MAML1: variants seen among roughly 807,000 people sequenced by gnomAD.
MAML1 encodes the protein mastermind-like protein 1.
A neutral mutation model predicts 77.1 loss-of-function variants in MAML1; 14 were observed. That is an observed-to-expected ratio of 0.18 (90% CI 0.12 to 0.28). The LOEUF (loss-of-function observed/expected upper bound fraction) is 0.28. MAML1 is among the 10% of genes least tolerant of loss of function. MAML1 has a pLI of 1.00. For missense variants in MAML1, 1,217 were observed against 1,327.8 expected (o/e 0.92, Z 1.30); for synonymous variants, 516 against 551.9 (o/e 0.93, Z 0.91).
rs1286780567 is a variant in MAML1 at position 179,766,151 on chromosome 5, G to T, written c.1141G>T (p.Val381Leu). ...QNAQRALAGV[V>L]LPSQGPGGAS... ...CGCACAAAGAGCCCTTGCAGGTGTG[G>T]TATTGCCCAGTCAGGGCCCAGGAGG... The change falls in exon 2 of 5, where the codon GTA (valine) becomes TTA (leucine). Residue 381 changes from valine to leucine, a missense_variant. Val to Leu is a conservative substitution (Grantham distance 32). Coordinates refer to ENST00000292599, the MANE Select transcript of MAML1 (RefSeq NM_014757.5). This position sits in a 1 kb window ranked among gnomAD's most constrained non-coding sequence, Gnocchi z 4.0. 2 of 1,579,434 alleles carry T rather than the reference G, an allele frequency of 1.3e-6. No individual in the cohort carries two copies. The highest frequency in any genetic ancestry group is 8.6e-7 in the Non-Finnish European group (1 of 1,164,006).
intron 1 of MAML1, among the ~76,000 whole-genome samples, chr5:179,738,958 T>A (rs1487613205): frequency 3.2e-5 from 3 of 92,890 alleles, no homozygotes; most frequent in African/African-American, 8.9e-5. Context: ...ATTGGCATCT[T>A]AGTCATCATT....
In MAML1 at chr5:179,752,251, G is replaced by A. The variant is rs1352005668; in HGVS notation, c.316-13075G>A. 4.7e-5 allele frequency among the ~76,000 whole-genome samples: 7 copies of A among 148,332 alleles called. No homozygotes were observed. In the East Asian group the frequency reaches 6.0e-4, roughly 13 times the overall value. ...TGAGGCAGGAGAATCGCTTGAACGC[G>A]GGAGGTGGAGGTTGCAGTGAGCCGA... On this transcript the variant is annotated intron_variant, in intron 1 of 4. Coordinates refer to ENST00000292599, the MANE Select transcript of MAML1 (RefSeq NM_014757.5).
chr5:179,768,537 G>A (rs965098197), intron 2 of MAML1, among the ~76,000 whole-genome samples: 12 of 152,230 alleles, frequency 7.9e-5, no homozygotes, highest in African/African-American at 2.2e-4. Flanking sequence ...TCTAAGCCTC[G>A]ATTGCTTACT....
chr5:179,767,419 G>A (rs1314173401), intron 2 of MAML1, among the ~76,000 whole-genome samples: 1 of 152,140 alleles, frequency 6.6e-6, no homozygotes, highest in Non-Finnish European at 1.5e-5. Context: ...GTGTGTAAAT[G>A]AGCTCACTGC....
intron 1 of MAML1, among the ~76,000 whole-genome samples, chr5:179,734,325 T>C (rs1779125846): frequency 6.6e-6 from 1 of 152,246 alleles, no homozygotes; most frequent in Non-Finnish European, 1.5e-5. Context: ...CTAACCAGTC[T>C]GTAGGCATTT....
At chr5:179,758,686 G>A (rs1002952672) in intron 1 of MAML1, among the ~76,000 whole-genome samples, 3 of 151,024 alleles carry the variant, frequency 2.0e-5, no homozygotes, top group African/African-American at 4.9e-5. Context: ...CACCACACCC[G>A]ACCATTTTTT....
intron 1 of MAML1, among the ~76,000 whole-genome samples, chr5:179,738,599 C>A (rs1779219831): frequency 6.6e-6 from 1 of 152,132 alleles, no homozygotes; most frequent in Non-Finnish European, 1.5e-5. Flanking sequence ...ATTCTCCACA[C>A]TGACAAGTCC....
intron 1 of MAML1, among the ~76,000 whole-genome samples, chr5:179,758,270 G>T (rs1398699775): frequency 6.6e-6 from 1 of 152,042 alleles, no homozygotes; most frequent in African/African-American, 2.4e-5. Flanking sequence ...CATGCTGAGT[G>T]GTTTGTATTC....
At chr5:179,753,894 A>T (rs1389144080) in intron 1 of MAML1, among the ~76,000 whole-genome samples, 1 of 151,254 alleles carries the variant, frequency 6.6e-6, no homozygotes, top group Admixed American at 6.6e-5. Flanking sequence ...CTGGTCTCGA[A>T]CTCCCGACCT....
chr5:179,771,018 C>G lies in MAML1; in HGVS notation c.1972-129C>G. On this transcript the variant is annotated intron_variant, in intron 3 of 4. Coordinates refer to ENST00000292599, the MANE Select transcript of MAML1 (RefSeq NM_014757.5). The surrounding 1 kb of genome is among the most constrained non-coding windows in gnomAD (Gnocchi z 4.7). ...TAAAAACCCCAAAATGAAATCAGCA[C>G]TATTTCCACAGGAGCCCATTTGTGA... 4.4e-6 allele frequency: 3 copies of G among 674,882 alleles called. No individual in the cohort carries two copies. The highest frequency in any genetic ancestry group is 1.8e-5 in the African/African-American group (1 of 56,160). 41.8% of individuals were successfully genotyped at this position (674,882 alleles called of 1,614,324 possible).
At position 179,771,506 on chromosome 5, in the gene MAML1, G is replaced by A. The variant is rs1417021156; in HGVS notation, c.2068+263G>A. 6.6e-6 allele frequency among the ~76,000 whole-genome samples: 1 copy of A among 152,216 alleles called. No homozygotes were observed. Among genetic ancestry groups the A allele is most frequent in the African/African-American group, 2.4e-5 (1 of 41,450 alleles). On this transcript the variant is annotated intron_variant, in intron 4 of 4. Transcript: ENST00000292599. The surrounding 1 kb of genome is among the most constrained non-coding windows in gnomAD (Gnocchi z 4.7). ...TCTGAAGCAAAATCATTTCTAGTTG[G>A]AGGACATCTTATCAGCAGGAAATAG...
At chr5:179,744,550 T>C (rs1204633504) in intron 1 of MAML1, among the ~76,000 whole-genome samples, 1 of 151,842 alleles carries the variant, frequency 6.6e-6, no homozygotes, top group Admixed American at 6.6e-5. Flanking sequence ...TTTTTTTTTT[T>C]TTTTTAGACG....
intron 1 of MAML1, among the ~76,000 whole-genome samples, chr5:179,759,861 GAT>G (rs1491186831): frequency 1.3e-5 from 2 of 152,220 alleles, no homozygotes; most frequent in Non-Finnish European, 2.9e-5. Context: ...TCAAGTGAGA[GAT>G]ATGTGTGTTA....
intron 1 of MAML1, among the ~76,000 whole-genome samples, chr5:179,748,182 A>T (rs1017694504): frequency 3.9e-5 from 6 of 152,158 alleles, no homozygotes; most frequent in Non-Finnish European, 8.8e-5. Context: ...TCCTGGATTC[A>T]AGCGATCCTT....
In MAML1 at chr5:179,771,273, CAG is replaced by C. The variant is rs1258741379; in HGVS notation, c.2068+31_2068+32del. 3 of 1,586,070 alleles carry C rather than the reference CAG, an allele frequency of 1.9e-6. No individual in the cohort carries two copies. The highest frequency in any genetic ancestry group is 1.7e-5 in the Admixed American group (1 of 59,972). On this transcript the variant is annotated intron_variant, in intron 4 of 4. Transcript: ENST00000292599. The surrounding 1 kb of genome is among the most constrained non-coding windows in gnomAD (Gnocchi z 4.7). ...GGGGTGTCTGTGTGACGAGCAGGGA[CAG>C]GGGAGGCCGCTGCCTGGTGCTGGTT...
intron 1 of MAML1, among the ~76,000 whole-genome samples, chr5:179,754,393 C>T (rs1362531725): frequency 2.6e-5 from 4 of 152,106 alleles, no homozygotes; most frequent in African/African-American, 4.8e-5. Flanking sequence ...CCAGGAGTTC[C>T]AGATCAGCTT....
chr5:179,733,474 C>T, intron 1 of MAML1, 47 bp downstream of exon 1: 12 of 1,083,024 alleles, frequency 1.1e-5, no homozygotes, highest in Non-Finnish European at 1.3e-5. Flanking sequence ...AGCCCCCTCT[C>T]CCGAAAACGC....
At chr5:179,758,191 C>A (rs960744540) in intron 1 of MAML1, among the ~76,000 whole-genome samples, 3 of 152,186 alleles carry the variant, frequency 2.0e-5, no homozygotes, top group African/African-American at 7.2e-5. Context: ...CTGGAACTTA[C>A]CTTCTCTATG....
chr5:179,758,721 G>T (rs1381852150), intron 1 of MAML1, among the ~76,000 whole-genome samples: 1 of 151,330 alleles, frequency 6.6e-6, no homozygotes, highest in Non-Finnish European at 1.5e-5. Context: ...ATATTTTACT[G>T]GCCCAGCGCG....
Sources: allele counts gnomAD v4.1 joint callset (sites outside exome capture counted in the v4.1 genomes callset), GRCh38; gene constraint gnomAD v4.1.1; non-coding constraint Gnocchi (gnomAD v3.1); transcripts MANE v1.5; gene names NCBI Gene and HGNC (gene_info 2026-07-23, HGNC 2026-07-21).